MAGI2: variants seen among roughly 807,000 people sequenced by gnomAD.
MAGI2 encodes membrane associated guanylate kinase, WW and PDZ domain containing 2.
In MAGI2, 35 loss-of-function variants were observed where a neutral mutation model predicts 133.3. The ratio of observed to expected loss-of-function variants is 0.26; its 90% CI spans 0.20 to 0.35. The LOEUF is 0.35. MAGI2 is among the 10% of genes least tolerant of loss of function. The pLI is 1.00. For missense variants in MAGI2, 1,636 were observed against 1,863.4 expected (o/e 0.88, Z 2.25); for synonymous variants, 729 against 710.6 (o/e 1.03, Z -0.41).
chr7:78,752,003 C>T (rs1823499332), intron 2 of MAGI2, among the ~76,000 whole-genome samples: 1 of 152,130 alleles, frequency 6.6e-6, no homozygotes, highest in Admixed American at 6.5e-5. Flanking sequence ...CACCAGAAAA[C>T]AAGGAAGAAC....
chr7:78,478,151 C>T (rs765969975), intron 6 of MAGI2, among the ~76,000 whole-genome samples: 17 of 151,746 alleles, frequency 1.1e-4, no homozygotes, highest in Non-Finnish European at 2.5e-4. Context: ...TCAACTCCCA[C>T]TTATGAGTGA....
chr7:78,391,198 T>G (rs1274319183), intron 6 of MAGI2, among the ~76,000 whole-genome samples: 1 of 152,232 alleles, frequency 6.6e-6, no homozygotes. Context: ...CCTAAATCCC[T>G]TTGTATTGAA....
At chr7:78,062,192 A>G (rs1179266335) in intron 21 of MAGI2, among the ~76,000 whole-genome samples, 15 of 152,374 alleles carry the variant, frequency 9.8e-5, no homozygotes. Flanking sequence ...CTGAAAAAAG[A>G]AAGCAGAAAC....
intron 2 of MAGI2, among the ~76,000 whole-genome samples, chr7:78,977,227 G>A (rs1268307258): frequency 1.3e-5 from 2 of 151,466 alleles, no homozygotes; most frequent in African/African-American, 4.8e-5. Flanking sequence ...GTGTAATATT[G>A]GCAAAAGAGA....
chr7:78,457,980 A>G (rs996507838), intron 6 of MAGI2, among the ~76,000 whole-genome samples: 1 of 152,178 alleles, frequency 6.6e-6, no homozygotes, highest in Non-Finnish European at 1.5e-5. Flanking sequence ...TGCTGAATTT[A>G]TAGTCTACAC....
chr7:78,883,996 T>C (rs1796078559), intron 2 of MAGI2, among the ~76,000 whole-genome samples: 1 of 152,076 alleles, frequency 6.6e-6, no homozygotes, highest in East Asian at 1.9e-4. Flanking sequence ...AAAACAAAAA[T>C]TGACAAGTGC....
intron 1 of MAGI2, among the ~76,000 whole-genome samples, chr7:79,369,897 C>T (rs1337815141): frequency 6.6e-6 from 1 of 152,082 alleles, no homozygotes; most frequent in Non-Finnish European, 1.5e-5. Flanking sequence ...TCATATTCCC[C>T]TCTCCCAATT....
At chr7:78,156,227 C>A (rs1247049709) in intron 16 of MAGI2, among the ~76,000 whole-genome samples, 1 of 152,146 alleles carries the variant, frequency 6.6e-6, no homozygotes, top group Non-Finnish European at 1.5e-5. Context: ...CTCCAGTTGC[C>A]CCCATTGCTG....
At position 78,794,886 on chromosome 7, in the gene MAGI2, A is replaced by T. The variant is rs143402675; in HGVS notation, c.419-167647T>A. 5.0e-3 allele frequency among the ~76,000 whole-genome samples: 761 copies of T among 152,246 alleles called. 3 individuals carry two copies. The highest frequency in any genetic ancestry group is 8.0e-3 in the Non-Finnish European group (545 of 68,006). ...AAGATGCATCCTATTTTCACTATTTATTCCTAATGAAAAAAAAATTGATTT... is the reference window on the plus strand; with the variant it reads ...AAGATGCATCCTATTTTCACTATTTTTTCCTAATGAAAAAAAAATTGATTT... On this transcript the variant is annotated intron_variant, in intron 2 of 21. Transcript: ENST00000354212.
At chr7:78,646,978 C>A (rs1217371758) in intron 2 of MAGI2, among the ~76,000 whole-genome samples, 3 of 152,158 alleles carry the variant, frequency 2.0e-5, no homozygotes, top group Non-Finnish European at 2.9e-5. Flanking sequence ...ATATAAATTA[C>A]TATAACCGCC....
intron 1 of MAGI2, among the ~76,000 whole-genome samples, chr7:79,400,627 T>C (rs569948943): frequency 2.6e-5 from 4 of 152,330 alleles, no homozygotes; most frequent in African/African-American, 9.6e-5. Flanking sequence ...TATTCCCTTG[T>C]CATGATATAC....
At chr7:79,420,264 T>C (rs1291297528) in intron 1 of MAGI2, among the ~76,000 whole-genome samples, 1 of 151,988 alleles carries the variant, frequency 6.6e-6, no homozygotes, top group Non-Finnish European at 1.5e-5. Context: ...CTCTACCTTT[T>C]TCCAGAAAAT....
At chr7:79,079,890 T>C (rs1815889646) in intron 1 of MAGI2, among the ~76,000 whole-genome samples, 1 of 152,144 alleles carries the variant, frequency 6.6e-6, no homozygotes, top group African/African-American at 2.4e-5. Flanking sequence ...GTATTATTGG[T>C]ATATTATTGG....
intron 6 of MAGI2, among the ~76,000 whole-genome samples, chr7:78,401,441 CCTCTGTCTCCTCTCT>C (rs1241181906): frequency 3.3e-5 from 5 of 151,342 alleles, no homozygotes; most frequent in Admixed American, 2.6e-4. Flanking sequence ...TTCTTCTCTC[CCTCTGTCTCCTCTCT>C]CTGTCTCTCT....
chr7:78,799,326 G>A (rs1787870942), intron 2 of MAGI2, among the ~76,000 whole-genome samples: 1 of 152,108 alleles, frequency 6.6e-6, no homozygotes, highest in South Asian at 2.1e-4. Flanking sequence ...TGGCCTTTAT[G>A]AGCACCAAAT....
intron 2 of MAGI2, among the ~76,000 whole-genome samples, chr7:78,965,156 T>TAATCTA (rs1235222825): frequency 1.3e-5 from 2 of 151,538 alleles, no homozygotes; most frequent in East Asian, 3.9e-4. Context: ...TACTTTCTGT[T>TAATCTA]AATCTAAATC....
chr7:79,341,461 C>T (rs1033073870), intron 1 of MAGI2, among the ~76,000 whole-genome samples: 1 of 151,608 alleles, frequency 6.6e-6, no homozygotes, highest in Non-Finnish European at 1.5e-5. Flanking sequence ...ATTTGTTGGA[C>T]AAGATGATAG....
intron 11 of MAGI2, among the ~76,000 whole-genome samples, chr7:78,196,007 C>T (rs1469474803): frequency 6.6e-6 from 1 of 152,200 alleles, no homozygotes; most frequent in Non-Finnish European, 1.5e-5. Context: ...AGGACAAAGG[C>T]CAAACTTCCT....
At chr7:78,831,308 A>C (rs901743977) in intron 2 of MAGI2, among the ~76,000 whole-genome samples, 1 of 152,186 alleles carries the variant, frequency 6.6e-6, no homozygotes, top group African/African-American at 2.4e-5. Context: ...GAAATGCCTT[A>C]CATTTTTACA....
Sources: gnomAD v4.1 joint callset for allele counts (sites outside exome capture counted in the v4.1 genomes callset) on GRCh38, gnomAD v4.1.1 for gene constraint, MANE v1.5 for transcripts, NCBI Gene and HGNC (gene_info 2026-07-23, HGNC 2026-07-21) for gene names.